Variants in TAFA1 observed in about 807,000 individuals in gnomAD.
TAFA1 encodes chemokine-like protein TAFA-1.
TAFA1 carries 4 observed loss-of-function variants against 18.5 expected under a neutral mutation model. The observed-to-expected ratio is 0.22, with a 90% CI of 0.11 to 0.49. The LOEUF is 0.49. Ranked by LOEUF, TAFA1 falls within the 20% of genes least tolerant of loss-of-function variation. The pLI is 0.98. For synonymous variants in TAFA1, 56 were observed against 55.2 expected, an observed-to-expected ratio of 1.01 and a Z score of -0.06; for missense variants, 147 against 169.0, an observed-to-expected ratio of 0.87 and a Z score of 0.72.
chr3:68,368,220 T>C (rs1251895663), intron 2 of TAFA1, among the ~76,000 whole-genome samples: 2 of 152,200 alleles, frequency 1.3e-5, no homozygotes, highest in Admixed American at 6.6e-5. Flanking sequence ...CTCCTCACCA[T>C]TGTCTCTTAA....
intron 3 of TAFA1, among the ~76,000 whole-genome samples, chr3:68,440,217 A>C (rs368757846): frequency 1.3e-5 from 2 of 151,228 alleles, no homozygotes; most frequent in Non-Finnish European, 2.9e-5. Context: ...CCCTGCACGA[A>C]CTCTCTTCTA....
At position 68,459,515 on chromosome 3, in the gene TAFA1, G is replaced by A. The variant is rs966001490; in HGVS notation, c.259+42095G>A. 3.9e-5 allele frequency among the ~76,000 whole-genome samples: 6 copies of A among 152,044 alleles called. No homozygotes were observed. In the East Asian group the frequency reaches 1.2e-3, roughly 29 times the overall value. ...CACTAGAAGAATAAGTAATGATTCA[G>A]ACTAAACTGTTCATTTTGTAAAATA... On this transcript the variant is annotated intron_variant, in intron 3 of 4. Transcript: ENST00000478136.
chr3:68,093,430 G>A (rs2065051030), intron 2 of TAFA1, among the ~76,000 whole-genome samples: 1 of 152,000 alleles, frequency 6.6e-6, no homozygotes, highest in Admixed American at 6.6e-5. Context: ...AACTTCCCTA[G>A]CACACCCATG....
intron 2 of TAFA1, among the ~76,000 whole-genome samples, chr3:68,206,811 G>A (rs1216134718): frequency 3.3e-5 from 5 of 151,944 alleles, no homozygotes; most frequent in African/African-American, 1.2e-4. Flanking sequence ...TACCTCATTG[G>A]ACTAACTTGG....
chr3:68,204,936 A>T (rs1388494), intron 2 of TAFA1, among the ~76,000 whole-genome samples: 77,272 of 151,570 alleles, frequency 0.51, 20,667 homozygotes, highest in East Asian at 0.71. Context: ...TCCCTTTTAC[A>T]TCAAGCATAA....
chr3:68,144,692 T>C (rs1249310331), intron 2 of TAFA1, among the ~76,000 whole-genome samples: 1 of 152,228 alleles, frequency 6.6e-6, no homozygotes, highest in Admixed American at 6.5e-5. Context: ...TCTTCAAATG[T>C]GATCCCTGGA....
intron 2 of TAFA1, among the ~76,000 whole-genome samples, chr3:68,314,899 C>T (rs896171401): frequency 5.4e-5 from 8 of 149,400 alleles, no homozygotes; most frequent in East Asian, 1.9e-4. Context: ...TATTTATACA[C>T]ATATTGATAT....
chr3:68,161,731 ATTATT>A (rs2065927024), intron 2 of TAFA1, among the ~76,000 whole-genome samples: 1 of 152,108 alleles, frequency 6.6e-6, no homozygotes, highest in South Asian at 2.1e-4. Context: ...CCATTTTGTT[ATTATT>A]TTGAGTTCAT....
At chr3:68,062,572 A>G (rs745512615) in intron 2 of TAFA1, among the ~76,000 whole-genome samples, 12 of 152,202 alleles carry the variant, frequency 7.9e-5, no homozygotes, top group Non-Finnish European at 1.8e-4. Flanking sequence ...TAAAATCAAC[A>G]AGGAATTGTG....
At chr3:68,102,339 A>T (rs1302659082) in intron 2 of TAFA1, among the ~76,000 whole-genome samples, 2 of 152,138 alleles carry the variant, frequency 1.3e-5, no homozygotes, top group African/African-American at 4.8e-5. Context: ...CTTTTTTACT[A>T]CCATTTAATT....
chr3:68,517,736 C>T (rs972263796), intron 3 of TAFA1, among the ~76,000 whole-genome samples: 5 of 152,132 alleles, frequency 3.3e-5, no homozygotes, highest in African/African-American at 1.2e-4. Context: ...AGAGAAACAG[C>T]ATTGCTGAGA....
chr3:68,227,188 T>A (rs1316816411), intron 2 of TAFA1, among the ~76,000 whole-genome samples: 3 of 152,198 alleles, frequency 2.0e-5, no homozygotes, highest in African/African-American at 7.2e-5. Context: ...TTCTAGCATA[T>A]GCAAATATTC....
chr3:68,261,911 TATA>T (rs1257379685), intron 2 of TAFA1, among the ~76,000 whole-genome samples: 1 of 135,658 alleles, frequency 7.4e-6, no homozygotes, highest in Admixed American at 8.0e-5. Context: ...AAACTTAAAG[TATA>T]ATAATAATAA....
At chr3:68,007,281 C>G (rs1704374859) in intron 2 of TAFA1, among the ~76,000 whole-genome samples, 1 of 152,216 alleles carries the variant, frequency 6.6e-6, no homozygotes, top group South Asian at 2.1e-4. Flanking sequence ...TTTTCCCTCT[C>G]TTTTGGCAGT....
At chr3:68,007,898 G>A (rs1704392803) in intron 2 of TAFA1, among the ~76,000 whole-genome samples, 1 of 152,222 alleles carries the variant, frequency 6.6e-6, no homozygotes, top group Non-Finnish European at 1.5e-5. Context: ...CTGCCTCCTG[G>A]GGCTCAGCTT....
chr3:68,348,049 C>A (rs900318007), intron 2 of TAFA1, among the ~76,000 whole-genome samples: 4 of 152,046 alleles, frequency 2.6e-5, no homozygotes, highest in African/African-American at 9.7e-5. Context: ...TTCCTCAGAG[C>A]CTTTTCATAC....
chr3:68,367,873 C>T (rs1448926199), intron 2 of TAFA1, among the ~76,000 whole-genome samples: 1 of 152,086 alleles, frequency 6.6e-6, no homozygotes. Context: ...TAAAGGACAA[C>T]TGCTTGGGTG....
intron 2 of TAFA1, among the ~76,000 whole-genome samples, chr3:68,154,280 T>C (rs2065839983): frequency 6.6e-6 from 1 of 152,164 alleles, no homozygotes; most frequent in African/African-American, 2.4e-5. Flanking sequence ...AGAAATTGTC[T>C]ACATCACTTT....
At chr3:68,535,075 G>A (rs1437485913) in intron 3 of TAFA1, among the ~76,000 whole-genome samples, 1 of 152,110 alleles carries the variant, frequency 6.6e-6, no homozygotes, top group Non-Finnish European at 1.5e-5. Context: ...AATATTAGGT[G>A]GGGTTTAAGT....
Sources: gnomAD v4.1 joint callset for allele counts (sites outside exome capture counted in the v4.1 genomes callset) on GRCh38, gnomAD v4.1.1 for gene constraint, MANE v1.5 for transcripts, NCBI Gene and HGNC (gene_info 2026-07-23, HGNC 2026-07-21) for gene names.